MMP1: variants seen among roughly 807,000 people sequenced by gnomAD.
MMP1 encodes interstitial collagenase.
MMP1 carries 51 observed loss-of-function variants against 49.6 expected under a neutral mutation model. The ratio of observed to expected loss-of-function variants is 1.03; its 90% CI spans 0.82 to 1.30. The LOEUF (loss-of-function observed/expected upper bound fraction) is 1.30. Among genes scored for constraint, MMP1 ranks in the 50% most tolerant of loss-of-function variants. The probability of loss-of-function intolerance (pLI) is 0.00; values close to 1 mark genes in which losing one functional copy is unlikely to be tolerated. For missense variants in MMP1, 623 were observed against 568.7 expected, an observed-to-expected ratio of 1.10 and a Z score of -0.97; for synonymous variants, 230 against 196.8, an observed-to-expected ratio of 1.17 and a Z score of -1.41.
At chr11:102,793,602 C>T (rs17883114) in intron 6 of MMP1, among the ~76,000 whole-genome samples, 2,483 of 152,204 alleles carry the variant, frequency 0.016, 75 homozygotes, top group African/African-American at 0.057. Flanking sequence ...TTACATCAGA[C>T]CTTATCACAA....
chr11:102,791,286 T>A (rs1565209857), intron 8 of MMP1, 47 bp downstream of exon 8: 2 of 1,606,552 alleles, frequency 1.2e-6, no homozygotes, highest in Non-Finnish European at 8.5e-7. Context: ...TAGAACTTTT[T>A]ATGTAGAAAG....
chr11:102,796,240 C>A (rs561613950), intron 4 of MMP1, among the ~76,000 whole-genome samples: 2 of 152,220 alleles, frequency 1.3e-5, no homozygotes, highest in Non-Finnish European at 2.9e-5. Flanking sequence ...TGAGCCACTG[C>A]GCCCAGCCTA....
In MMP1 at chr11:102,794,574, T is replaced by G. The variant is rs559745523; in HGVS notation, c.899+600A>C. Among the ~76,000 whole-genome samples the G allele has an allele frequency of 3.3e-5, 5 of 152,292 alleles. No homozygotes were observed. The highest frequency in any genetic ancestry group is 1.9e-4 in the East Asian group (1 of 5,184). Reference sequence around the variant, plus strand: ...GCCCCTATCTGTCCCAGGAGGGATTTCATCAGTTCTTGGGGACTTTCCCAG... The same window carrying G: ...GCCCCTATCTGTCCCAGGAGGGATTGCATCAGTTCTTGGGGACTTTCCCAG... On this transcript the variant is annotated intron_variant, in intron 6 of 9. Coordinates refer to ENST00000315274, the MANE Select transcript of MMP1 (RefSeq NM_002421.4). This position sits in a 1 kb window ranked among gnomAD's most constrained non-coding sequence, Gnocchi z 4.3.
chr11:102,790,524 A>T lies in MMP1; in HGVS notation c.1301-3T>A, dbSNP rs752781932. On this transcript the variant is annotated splice_polypyrimidine_tract_variant and splice_region_variant and intron_variant, in intron 9 of 9. Transcript: ENST00000315274. ...TCCATGAAAGAAATAGAAAAATCCT[A>T]GAAACAAAACAAAAGAGACTTACTA... 5.1e-6 allele frequency: 8 copies of T among 1,561,526 alleles called. No individual in the cohort carries two copies. The African/African-American group carries it at 1.1e-4, about 21-fold the overall frequency.
chr11:102,794,992 C>T lies in MMP1; in HGVS notation c.899+182G>A, dbSNP rs897744277. 3.9e-5 allele frequency among the ~76,000 whole-genome samples: 6 copies of T among 152,174 alleles called. No homozygotes were observed. The highest frequency in any genetic ancestry group is 8.8e-5 in the Non-Finnish European group (6 of 68,040). ...TTTCTGAGAATCAGTTGACCTAATACATGTAGAAAAACAAAGTTGTTACAA... is the reference window on the plus strand; with the variant it reads ...TTTCTGAGAATCAGTTGACCTAATATATGTAGAAAAACAAAGTTGTTACAA... On this transcript the variant is annotated intron_variant, in intron 6 of 9. Coordinates refer to ENST00000315274, the MANE Select transcript of MMP1 (RefSeq NM_002421.4). This position sits in a 1 kb window ranked among gnomAD's most constrained non-coding sequence, Gnocchi z 4.3.
chr11:102,796,708 T>A lies in MMP1; in HGVS notation c.581A>T (p.Asp194Val). Residue 194 changes from aspartate to valine, a missense_variant, in exon 4 of 10, where the codon GAT becomes GTT. Physicochemically the swap from Asp to Val is radical, Grantham distance 152. Coordinates refer to ENST00000315274, the MANE Select transcript of MMP1 (RefSeq NM_002421.4). ...AFQPGPGIGGDAHFDEDERWT... is the reference protein window; with the variant it reads ...AFQPGPGIGGVAHFDEDERWT... ...CCTTTCATCTTCATCAAAATGAGCA[T>A]CCCCTCCAATACCTGGGCCTGGTTG... 1.2e-6 allele frequency: 2 copies of A among 1,613,870 alleles called. No homozygotes were observed. The highest frequency in any genetic ancestry group is 2.2e-5 in the East Asian group (1 of 44,872).
chr11:102,792,824 G>A (rs1858071586), intron 6 of MMP1, 86 bp from the exon 7 acceptor site: 1 of 1,263,962 alleles, frequency 7.9e-7, no homozygotes, highest in East Asian at 2.3e-5. Context: ...TCTTGTTGCT[G>A]GCACTAGTGG....
In MMP1 at chr11:102,795,205, T is replaced by G. The variant is rs199702254; in HGVS notation, c.868A>C (p.Ile290Leu). The G allele has an allele frequency of 5.7e-5, 92 of 1,614,044 alleles. No individual in the cohort carries two copies. Among genetic ancestry groups the G allele is most frequent in the Non-Finnish European group, 6.4e-5 (76 of 1,179,906 alleles). ...SKLTFDAITT[I>L]RGEVMFFKDR... ...TTAAAGAACATCACTTCTCCCCGAA[T>G]CGTAGTTATAGCATCAAAGGTTAGC... is the stretch of plus-strand genomic sequence containing the variant. The change falls in exon 6 of 10, where the codon ATT becomes CTT. Residue 290 changes from isoleucine to leucine, a missense_variant. Physicochemically the swap from Ile to Leu is conservative, Grantham distance 5 (BLOSUM62 2). Transcript: ENST00000315274.
chr11:102,797,425 C>T lies in MMP1; in HGVS notation c.181G>A (p.Val61Ile). 1.2e-6 allele frequency: 2 copies of T among 1,614,208 alleles called. No individual in the cohort carries two copies. The highest frequency in any genetic ancestry group is 2.2e-5 in the South Asian group (2 of 91,084). ...TCCTGCATTTGCTTCAATTTTTCAA[C>T]CACTGGGCCACTATTTCTCCGCTTT... ...VEKRRNSGPV[V>I]EKLKQMQEFF... The change falls in exon 2 of 10, where the codon GTT (valine) becomes ATT (isoleucine). Residue 61 changes from valine to isoleucine, a missense_variant. Transcript: ENST00000315274.
Position 102,795,242 on chromosome 11 carries a change from C to G in MMP1, c.831G>C (p.Ala277=). 6.2e-7 allele frequency: 1 copy of G among 1,614,030 alleles called. No homozygotes were observed. The part of the protein sequence containing the change: ...VQPIGPQTPK[A]CDSKLTFDAI... ...CATCAAAGGTTAGCTTACTGTCACA[C>G]GCTTTTGGGGTTTGTGGGCCGATGG... Residue 277 remains alanine, a synonymous_variant, in exon 6 of 10, where the codon GCG becomes GCC. Coordinates refer to ENST00000315274, the MANE Select transcript of MMP1 (RefSeq NM_002421.4).
At chr11:102,796,912 C>T (rs1008176431) in intron 3 of MMP1, 102 bp downstream of exon 3, 105 of 1,532,244 alleles carry the variant, frequency 6.9e-5, no homozygotes, top group Non-Finnish European at 8.1e-5. Context: ...TTTCCCTCTT[C>T]GAGCCCATAA....
Position 102,795,547 on chromosome 11 carries a change from G to A in MMP1, c.686C>T (p.Ser229Phe), listed in dbSNP as rs973172732. Residue 229 changes from serine to phenylalanine, a missense_variant, in exon 5 of 10, where the codon TCT becomes TTT. Transcript: ENST00000315274. ...ELGHSLGLSHSTDIGALMYPS... is the reference protein window; with the variant it reads ...ELGHSLGLSHFTDIGALMYPS... ...GTACATCAAAGCCCCGATATCAGTA[G>A]AATGGGAGAGTCCAAGAGAATGGCC... The A allele has an allele frequency of 6.2e-7, 1 of 1,614,018 alleles. No homozygotes were observed. Among genetic ancestry groups the A allele is most frequent in the Admixed American group, 1.7e-5 (1 of 59,980 alleles).
chr11:102,797,025 A>G lies in MMP1; in HGVS notation c.488T>C (p.Phe163Ser), dbSNP rs1412688376. The change falls in exon 3 of 10, where the codon TTT becomes TCT. Residue 163 changes from phenylalanine (F) to serine (S), a missense_variant. Transcript: ENST00000315274. ...SEGQADIMIS[F>S]VRGDHRDNSP... ...TAAGAAGAACTTACCTCCCCTGACAAAAGATATCATGATGTCTGCTTGACC... is the reference window on the plus strand; with the variant it reads ...TAAGAAGAACTTACCTCCCCTGACAGAAGATATCATGATGTCTGCTTGACC... 1 of 1,613,080 alleles carries G rather than the reference A, an allele frequency of 6.2e-7. No individual in the cohort carries two copies. The highest frequency in any genetic ancestry group is 8.5e-7 in the Non-Finnish European group (1 of 1,179,338).
rs150423527 is a variant in MMP1, at chr11:102,791,334, T to C, written c.1195A>G (p.Arg399Gly). ...AACATTCTCTGCACTTAAACTTACCTCCAGTATTTGTTAGCAACAAAGAAG... is the reference window on the plus strand; with the variant it reads ...AACATTCTCTGCACTTAAACTTACCCCCAGTATTTGTTAGCAACAAAGAAG... Reference protein sequence around the residue: ...TYFFVANKYWRYDEYKRSMDP... With the variant: ...TYFFVANKYWGYDEYKRSMDP... The change falls in exon 8 of 10, where the codon AGG (arginine) becomes GGG (glycine). Residue 399 changes from arginine (R) to glycine (G), a missense_variant and splice_region_variant. Transcript: ENST00000315274. 38 of 1,613,826 alleles carry C rather than the reference T, an allele frequency of 2.4e-5. No individual in the cohort carries two copies. In the African/African-American group the frequency reaches 4.8e-4, roughly 20 times the overall value.
chr11:102,790,180 T>C lies in MMP1; in HGVS notation c.*232A>G. 2.9e-6 allele frequency: 1 copy of C among 347,924 alleles called. No homozygotes were observed. The highest frequency in any genetic ancestry group is 5.6e-5 in the South Asian group (1 of 17,868). The allele number at this position is 347,924 out of a possible 1,614,324, so 21.6% of individuals were successfully genotyped here. A position where few individuals can be genotyped will look rare whatever the true frequency, so the allele number is the denominator to read the frequency against. On this transcript the variant is annotated 3_prime_UTR_variant, in exon 10 of 10. Transcript: ENST00000315274. ...TGCAACTCTGGCCTATATGAATCCA[T>C]AAGCCACAAACTTGACTTTTTGTAC...
At chr11:102,791,602 T>C in intron 7 of MMP1, 107 bp from the exon 8 acceptor site, 1 of 1,225,676 alleles carries the variant, frequency 8.2e-7, no homozygotes. Context: ...GTACCCTGGC[T>C]GCAGATTAGA....
At chr11:102,792,874 G>A (rs73589547) in intron 6 of MMP1, 136 bp from the exon 7 acceptor site, 1 of 785,942 alleles carries the variant, frequency 1.3e-6, no homozygotes, top group African/African-American at 1.8e-5. Context: ...TCCAAAGAAG[G>A]GTTGGTTTAT....
At position 102,797,236 on chromosome 11, in the gene MMP1, C is replaced by G. The variant is rs1346323974; in HGVS notation, c.350+20G>C. The G allele has an allele frequency of 1.2e-6, 2 of 1,613,928 alleles. No homozygotes were observed. Among genetic ancestry groups the G allele is most frequent in the Non-Finnish European group, 1.7e-6 (2 of 1,179,842 alleles). On this transcript the variant is annotated intron_variant, in intron 2 of 9. Transcript: ENST00000315274. ...TGTCATGGGAAATAGCTCTCTCACT[C>G]TGGCCCTCAGTCTGCCTACCTGTAG...
rs997485561 is a variant in MMP1 at position 102,792,621 on chromosome 11, T to A, written c.1017A>T (p.Glu339Asp). ...AAAGATTACCTTTGAAAAACCGGACTTCATCTCTGTCGGCAAATTCGTAAG... is the reference window on the plus strand; with the variant it reads ...AAAGATTACCTTTGAAAAACCGGACATCATCTCTGTCGGCAAATTCGTAAG... ...EAAYEFADRD[E>D]VRFFKGNKYW... The change falls in exon 7 of 10, where the codon GAA (glutamate) becomes GAT (aspartate). Residue 339 changes from glutamate to aspartate, a missense_variant. Coordinates refer to ENST00000315274, the MANE Select transcript of MMP1 (RefSeq NM_002421.4). The A allele has an allele frequency of 2.5e-6, 4 of 1,613,662 alleles. No individual in the cohort carries two copies. The highest frequency in any genetic ancestry group is 3.4e-6 in the Non-Finnish European group (4 of 1,179,764).
Sources: gnomAD v4.1 joint callset for allele counts (sites outside exome capture counted in the v4.1 genomes callset) on GRCh38, gnomAD v4.1.1 for gene constraint, Gnocchi (gnomAD v3.1) non-coding constraint, MANE v1.5 for transcripts, NCBI Gene and HGNC (gene_info 2026-07-23, HGNC 2026-07-21) for gene names.